The following ITSN1 variants were observed in gnomAD, a reference collection of about 807,000 sequenced individuals.
ITSN1 encodes the protein intersectin-1.
ITSN1 carries 58 observed loss-of-function variants against 239.8 expected under a neutral mutation model. The observed-to-expected ratio is 0.24, with a 90% CI of 0.20 to 0.30. ITSN1 has a LOEUF of 0.30. ITSN1 is among the 10% of genes least tolerant of loss of function. The pLI is 1.00. For missense variants in ITSN1, 1,558 were observed against 2,103.3 expected (o/e 0.74, Z 5.07); for synonymous variants, 780 against 770.8 (o/e 1.01, Z -0.20).
chr21:33,706,772 G>A (rs2092263968), intron 1 of ITSN1, among the ~76,000 whole-genome samples: 2 of 150,984 alleles, frequency 1.3e-5, no homozygotes, highest in African/African-American at 4.9e-5. Flanking sequence ...ATTTTTTTTG[G>A]CGTGCTGTTG....
rs987289642 is a variant in ITSN1 at position 33,770,478 on chromosome 21, G to A, written c.1043-1583G>A. 1.1e-4 allele frequency among the ~76,000 whole-genome samples: 16 copies of A among 152,244 alleles called. No individual in the cohort carries two copies. In the East Asian group the frequency reaches 1.7e-3, roughly 17 times the overall value. ...ACACAAACATTCAGTTCCTAACAATGACATTTAGTGCATTCACAGTGCCTT... is the reference window on the plus strand; with the variant it reads ...ACACAAACATTCAGTTCCTAACAATAACATTTAGTGCATTCACAGTGCCTT... On this transcript the variant is annotated intron_variant, in intron 11 of 39. Transcript: ENST00000381318.
chr21:33,886,246 A>G, intron 38 of ITSN1, 41 bp from the exon 39 acceptor site: 1 of 1,385,508 alleles, frequency 7.2e-7, no homozygotes, highest in Non-Finnish European at 1.0e-6. Flanking sequence ...GATCAAAATG[A>G]GGTGTGAGTT....
chr21:33,703,350 C>T (rs2092111847), intron 1 of ITSN1, among the ~76,000 whole-genome samples: 1 of 151,930 alleles, frequency 6.6e-6, no homozygotes, highest in African/African-American at 2.4e-5. Context: ...CTGTAATTGG[C>T]TCTTTTTTCC....
intron 27 of ITSN1, 111 bp from the exon 28 acceptor site, chr21:33,834,196 C>T: frequency 2.7e-6 from 2 of 733,452 alleles, no homozygotes; most frequent in Non-Finnish European, 4.7e-6. Flanking sequence ...CCGTTAATGT[C>T]ATTTGTTTTT....
intron 5 of ITSN1, among the ~76,000 whole-genome samples, chr21:33,745,791 G>A (rs868797704): frequency 5.3e-5 from 8 of 152,192 alleles, no homozygotes; most frequent in South Asian, 2.1e-4. Flanking sequence ...CATGGCCAGG[G>A]CAAGTATATT....
Position 33,722,475 on chromosome 21 carries a change from T to A in ITSN1, c.122-113T>A, listed in dbSNP as rs916688790. ...GGACTTTTATAATGCACTCAACTGGTATTTATAGTATTACCAGCCTCTTTG... is the reference window on the plus strand; with the variant it reads ...GGACTTTTATAATGCACTCAACTGGAATTTATAGTATTACCAGCCTCTTTG... On this transcript the variant is annotated intron_variant, in intron 3 of 39. Coordinates refer to ENST00000381318, the MANE Select transcript of ITSN1 (RefSeq NM_003024.3). The A allele has an allele frequency of 4.4e-5, 57 of 1,303,448 alleles. No individual in the cohort carries two copies. In the African/African-American group the frequency reaches 8.7e-4, roughly 20 times the overall value. The allele number at this position is 1,303,448 out of a possible 1,614,324, so 80.7% of individuals were successfully genotyped here. A position where few individuals can be genotyped will look rare whatever the true frequency, so the allele number is the denominator to read the frequency against.
chr21:33,837,023 A>G (rs1323993740), intron 29 of ITSN1: 3 of 1,613,416 alleles, frequency 1.9e-6, no homozygotes, highest in South Asian at 1.1e-5. Flanking sequence ...CAGGCTTGAA[A>G]GTCCTCAAAG....
intron 1 of ITSN1, among the ~76,000 whole-genome samples, chr21:33,697,142 G>A (rs1419208045): frequency 6.6e-6 from 1 of 151,296 alleles, no homozygotes; most frequent in Non-Finnish European, 1.5e-5. Context: ...GAGTGCAGAG[G>A]CGTGATCTCG....
At chr21:33,719,206 C>T (rs1475881541) in intron 2 of ITSN1, among the ~76,000 whole-genome samples, 8 of 152,088 alleles carry the variant, frequency 5.3e-5, no homozygotes, top group East Asian at 1.9e-4. Context: ...TTTGGGAGGC[C>T]GAGGCTGGTG....
intron 1 of ITSN1, among the ~76,000 whole-genome samples, chr21:33,681,483 A>G (rs2090949650): frequency 6.6e-6 from 1 of 151,980 alleles, no homozygotes; most frequent in Non-Finnish European, 1.5e-5. Context: ...CAGGAGGCAG[A>G]GGTTGCAGTG....
Position 33,893,583 on chromosome 21 carries a change from CCTT to C in ITSN1, c.*5286_*5288del, listed in dbSNP as rs2148587630. The C allele has an allele frequency of 6.6e-6, 1 of 152,330 alleles. No homozygotes were observed. Among genetic ancestry groups the C allele is most frequent in the South Asian group, 2.1e-4 (1 of 4,822 alleles). 9.4% of individuals were successfully genotyped at this position (152,330 alleles called of 1,614,324 possible). A position where few individuals can be genotyped will look rare whatever the true frequency, so the allele number is the denominator to read the frequency against. ...CCAGCCTGGGTAACAGAGCGAGAGT[CCTT>C]CTCAAAACAAACAAAAAAAGAGCTA... On this transcript the variant is annotated 3_prime_UTR_variant, in exon 40 of 40. Coordinates refer to ENST00000381318, the MANE Select transcript of ITSN1 (RefSeq NM_003024.3).
At position 33,791,918 on chromosome 21, in the gene ITSN1, C is replaced by T. The variant is rs568295601; in HGVS notation, c.1825-2423C>T. On this transcript the variant is annotated intron_variant, in intron 16 of 39. Coordinates refer to ENST00000381318, the MANE Select transcript of ITSN1 (RefSeq NM_003024.3). ...TCAAGCTGAAATGTTATTTCTCTTCCGGCATTTCTTACTCCTTTGTAGGGT... is the reference window on the plus strand; with the variant it reads ...TCAAGCTGAAATGTTATTTCTCTTCTGGCATTTCTTACTCCTTTGTAGGGT... Among the ~76,000 whole-genome samples, 14 of 152,180 alleles carry T rather than the reference C, an allele frequency of 9.2e-5. 1 individual carries two copies. Among genetic ancestry groups the T allele is most frequent in the Middle Eastern group, 6.8e-3 (2 of 294 alleles).
At chr21:33,695,395 A>G (rs1230746548) in intron 1 of ITSN1, among the ~76,000 whole-genome samples, 2 of 152,252 alleles carry the variant, frequency 1.3e-5, no homozygotes, top group Non-Finnish European at 2.9e-5. Context: ...GGAAATAGGA[A>G]AAGCTTTGTT....
intron 28 of ITSN1, among the ~76,000 whole-genome samples, 178 bp downstream of exon 28, chr21:33,834,602 G>C (rs1399750828): frequency 6.6e-6 from 1 of 152,232 alleles, no homozygotes; most frequent in African/African-American, 2.4e-5. Flanking sequence ...AAAAGGACCA[G>C]ATATCTAAGT....
intron 5 of ITSN1, among the ~76,000 whole-genome samples, chr21:33,737,015 G>T (rs750176701): frequency 1.3e-5 from 2 of 152,220 alleles, no homozygotes; most frequent in Non-Finnish European, 2.9e-5. Context: ...AACGGTATTT[G>T]GTTTTCTTTT....
intron 6 of ITSN1, among the ~76,000 whole-genome samples, chr21:33,751,445 A>G (rs915129529): frequency 1.3e-5 from 2 of 152,212 alleles, no homozygotes; most frequent in Non-Finnish European, 2.9e-5. Context: ...TTACATCTGG[A>G]ACTAATACTT....
intron 16 of ITSN1, among the ~76,000 whole-genome samples, chr21:33,788,719 C>T (rs1464361275): frequency 6.6e-6 from 1 of 152,120 alleles, no homozygotes. Flanking sequence ...GGCAACAGAG[C>T]AAGACTCCAT....
intron 31 of ITSN1, among the ~76,000 whole-genome samples, chr21:33,860,165 G>A (rs1980202040): frequency 6.6e-6 from 1 of 151,930 alleles, no homozygotes; most frequent in Admixed American, 6.5e-5. Context: ...AAAGTAGCCG[G>A]GTGTGGTTGT....
At chr21:33,825,376 G>T (rs2073923099) in intron 25 of ITSN1, among the ~76,000 whole-genome samples, 1 of 151,990 alleles carries the variant, frequency 6.6e-6, no homozygotes, top group Non-Finnish European at 1.5e-5. Context: ...CTTGAATACA[G>T]AATTCAGTGT....
Sources: allele counts gnomAD v4.1 joint callset (sites outside exome capture counted in the v4.1 genomes callset), GRCh38; gene constraint gnomAD v4.1.1; transcripts MANE v1.5; gene names NCBI Gene and HGNC (gene_info 2026-07-23, HGNC 2026-07-21).